Variants in RELN observed in about 807,000 individuals in gnomAD.
The protein encoded by RELN is reelin.
RELN carries 108 observed loss-of-function variants against 427.6 expected under a neutral mutation model. That is an observed-to-expected ratio of 0.25 (90% confidence interval 0.22 to 0.30). RELN has a LOEUF of 0.30. Among genes scored for constraint, RELN ranks in the 10% least tolerant of loss-of-function variants. The probability of loss-of-function intolerance (pLI) is 1.00; values close to 1 mark genes in which losing one functional copy is unlikely to be tolerated. For synonymous variants in RELN, 1,524 were observed against 1,513.4 expected (o/e 1.01, Z -0.16); for missense variants, 3,715 against 4,302.8 (o/e 0.86, Z 3.82).
At chr7:103,840,709 C>T (rs1170723052) in intron 2 of RELN, among the ~76,000 whole-genome samples, 2 of 152,028 alleles carry the variant, frequency 1.3e-5, no homozygotes, top group Non-Finnish European at 2.9e-5. Flanking sequence ...CCTTTTGTAC[C>T]ATGAAAGAGA....
At chr7:103,680,767 G>A (rs547342234) in intron 11 of RELN, among the ~76,000 whole-genome samples, 3 of 152,024 alleles carry the variant, frequency 2.0e-5, no homozygotes, top group Admixed American at 6.5e-5. Flanking sequence ...GGTTTCTGGC[G>A]TCTCAAGGAG....
chr7:103,707,221 C>T (rs986229698), intron 8 of RELN, among the ~76,000 whole-genome samples: 1 of 152,054 alleles, frequency 6.6e-6, no homozygotes, highest in Non-Finnish European at 1.5e-5. Context: ...CAATGTGAGA[C>T]CCTCCTAACT....
intron 57 of RELN, among the ~76,000 whole-genome samples, chr7:103,494,365 TTGTGTGTGTGTGTG>T (rs58533286): frequency 2.5e-5 from 3 of 118,256 alleles, no homozygotes; most frequent in Non-Finnish European, 3.6e-5. Context: ...GTAATGACTT[TTGTGTGTGTGTGTG>T]TGTGTGTGTG....
intron 10 of RELN, among the ~76,000 whole-genome samples, chr7:103,692,551 A>T (rs1192662222): frequency 6.6e-6 from 1 of 152,076 alleles, no homozygotes; most frequent in African/African-American, 2.4e-5. Context: ...TTTCTACTGC[A>T]GGAGACCTAC....
At chr7:103,826,709 G>A (rs534548028) in intron 3 of RELN, among the ~76,000 whole-genome samples, 1 of 151,994 alleles carries the variant, frequency 6.6e-6, no homozygotes, top group African/African-American at 2.4e-5. Flanking sequence ...CCAAATCTCT[G>A]GCCATACCTC....
intron 28 of RELN, among the ~76,000 whole-genome samples, chr7:103,583,941 G>A (rs1831212612): frequency 6.6e-6 from 1 of 152,200 alleles, no homozygotes; most frequent in Non-Finnish European, 1.5e-5. Flanking sequence ...GGTCACTCAT[G>A]CCCCACTCCT....
chr7:103,572,369 C>T, intron 30 of RELN, 109 bp from the exon 31 acceptor site: 1 of 694,406 alleles, frequency 1.4e-6, no homozygotes, highest in South Asian at 1.6e-5. Flanking sequence ...TTAAGTACTA[C>T]TTTCAAACTC....
chr7:103,754,224 A>G (rs1266301305), intron 4 of RELN, among the ~76,000 whole-genome samples: 3 of 152,070 alleles, frequency 2.0e-5, no homozygotes. Flanking sequence ...ACCACATTAT[A>G]TCCAAATGTT....
chr7:103,521,893 G>T, intron 48 of RELN, 129 bp downstream of exon 48: 1 of 885,228 alleles, frequency 1.1e-6, no homozygotes, highest in Non-Finnish European at 1.9e-6. Flanking sequence ...TGCAAGTTCA[G>T]ATCAGGGTTG....
At chr7:103,846,025 A>C (rs73181915) in intron 2 of RELN, among the ~76,000 whole-genome samples, 21,385 of 152,208 alleles carry the variant, frequency 0.14, 1,701 homozygotes, top group East Asian at 0.29. Context: ...TATAGATTCA[A>C]ATCTATTCCC....
intron 1 of RELN, among the ~76,000 whole-genome samples, chr7:103,970,645 G>A (rs1485294554): frequency 6.6e-6 from 1 of 152,076 alleles, no homozygotes; most frequent in Non-Finnish European, 1.5e-5. Flanking sequence ...TTGGTCATGA[G>A]TTCAACGTTA....
intron 5 of RELN, 42 bp from the exon 6 acceptor site, chr7:103,749,546 A>T: frequency 1.5e-6 from 2 of 1,367,606 alleles, no homozygotes; most frequent in Non-Finnish European, 2.1e-6. Flanking sequence ...ATATACTACA[A>T]CAGTACATTT....
At chr7:103,760,093 T>C (rs1023812878) in intron 4 of RELN, among the ~76,000 whole-genome samples, 3 of 149,980 alleles carry the variant, frequency 2.0e-5, no homozygotes, top group African/African-American at 7.3e-5. Context: ...CATACACGAA[T>C]GCTTTTCTTA....
chr7:103,838,279 T>C (rs563944866), intron 2 of RELN, among the ~76,000 whole-genome samples: 1 of 151,278 alleles, frequency 6.6e-6, no homozygotes, highest in South Asian at 2.1e-4. Flanking sequence ...AAATTATTTA[T>C]TCAGGAGCAG....
intron 6 of RELN, among the ~76,000 whole-genome samples, chr7:103,749,167 G>A (rs1332783773): frequency 6.6e-6 from 1 of 151,642 alleles, no homozygotes; most frequent in Non-Finnish European, 1.5e-5. Flanking sequence ...TATTTTCTAT[G>A]TAAGGATATT....
chr7:103,967,173 AG>A, intron 1 of RELN, among the ~76,000 whole-genome samples: 1 of 152,272 alleles, frequency 6.6e-6, no homozygotes, highest in Non-Finnish European at 1.5e-5. Flanking sequence ...GTGGTAGTAG[AG>A]GCAGGATTCT....
rs1830110633 is a variant in RELN, at chr7:103,538,716, T to G, written c.7180+362A>C. Among the ~76,000 whole-genome samples the G allele has an allele frequency of 2.6e-5, 4 of 152,192 alleles. No homozygotes were observed. The South Asian group carries it at 8.3e-4, about 32-fold the overall frequency. On this transcript the variant is annotated intron_variant, in intron 45 of 64. Coordinates refer to ENST00000428762, the MANE Select transcript of RELN (RefSeq NM_005045.4). ...ATCATATTGCTTATTCCTGGCATTC[T>G]CTATGTGATGAGAGTCCTTACTGGA...
chr7:103,729,264 A>T (rs1028512234), intron 6 of RELN, among the ~76,000 whole-genome samples: 1 of 152,094 alleles, frequency 6.6e-6, no homozygotes, highest in African/African-American at 2.4e-5. Flanking sequence ...TGTTTAGGAG[A>T]TTATTGTATT....
At chr7:103,885,311 G>T (rs1318089942) in intron 2 of RELN, among the ~76,000 whole-genome samples, 1 of 150,914 alleles carries the variant, frequency 6.6e-6, no homozygotes, top group Non-Finnish European at 1.5e-5. Context: ...TGCACTCCAG[G>T]CTGGGCGACA....
Sources: gnomAD v4.1 joint callset for allele counts (sites outside exome capture counted in the v4.1 genomes callset) on GRCh38, gnomAD v4.1.1 for gene constraint, MANE v1.5 for transcripts, NCBI Gene and HGNC (gene_info 2026-07-23, HGNC 2026-07-21) for gene names.